The following NUBP1 variants were observed in gnomAD, a reference collection of about 807,000 sequenced individuals.
NUBP1 encodes NUBP iron-sulfur cluster assembly factor 1, cytosolic, also known as cytosolic Fe-S cluster assembly factor NUBP1.
In NUBP1, 46 loss-of-function variants were observed where a neutral mutation model predicts 41.8. The observed-to-expected ratio is 1.10, with a 90% confidence interval of 0.87 to 1.41. The LOEUF is 1.41. Among genes scored for constraint, NUBP1 ranks in the 40% most tolerant of loss-of-function variants. The pLI, the probability that NUBP1 is intolerant of heterozygous loss-of-function variation, is 0.00. For missense variants in NUBP1, 494 were observed against 414.0 expected, an observed-to-expected ratio of 1.19 and a Z score of -1.68; for synonymous variants, 189 against 154.6, an observed-to-expected ratio of 1.22 and a Z score of -1.65.
chr16:10,766,822 G>A lies in NUBP1; in HGVS notation c.821-1127G>A, dbSNP rs977436305. On this transcript the variant is annotated intron_variant, in intron 9 of 10. Transcript: ENST00000283027. This position sits in a 1 kb window ranked among gnomAD's most constrained non-coding sequence, Gnocchi z 4.8. ...TACTTGAGGTACGCCCTATATAAAC[G>A]AAAAGGATGAAGTAAAGTTACAAAG... 3 of 397,694 alleles carry A rather than the reference G, an allele frequency of 7.5e-6. No individual in the cohort carries two copies. The highest frequency in any genetic ancestry group is 6.2e-5 in the African/African-American group (3 of 48,732). The allele number at this position is 397,694 out of a possible 1,614,324, so 24.6% of individuals were successfully genotyped here. A position where few individuals can be genotyped will look rare whatever the true frequency, so the allele number is the denominator to read the frequency against.
chr16:10,761,303 G>A lies in NUBP1; in HGVS notation c.607-61G>A, dbSNP rs1330069669. On this transcript the variant is annotated intron_variant, in intron 7 of 10. Coordinates refer to ENST00000283027, the MANE Select transcript of NUBP1 (RefSeq NM_002484.4). ...CTGCATTGCAGCCATCCCCTCGGTT[G>A]CACAGACATTCCCTTTCTCGCACTT... 10 of 1,482,948 alleles carry A rather than the reference G, an allele frequency of 6.7e-6. 1 individual carries two copies. The African/African-American group carries it at 8.3e-5, about 12-fold the overall frequency. 91.9% of individuals were successfully genotyped at this position (1,482,948 alleles called of 1,614,324 possible).
rs1900205677 is a variant in NUBP1, at chr16:10,749,185, C to T, written c.258+1909C>T. On this transcript the variant is annotated intron_variant, in intron 3 of 10. Transcript: ENST00000283027. This position sits in a 1 kb window ranked among gnomAD's most constrained non-coding sequence, Gnocchi z 4.1. ...CACACACACACGTTGATTCGTCATT[C>T]TGTGAGTCAGCGATCTCTTGCCATT... Among the ~76,000 whole-genome samples, 1 of 149,374 alleles carries T rather than the reference C, an allele frequency of 6.7e-6. No individual in the cohort carries two copies. Among genetic ancestry groups the T allele is most frequent in the Admixed American group, 6.7e-5 (1 of 14,990 alleles).
chr16:10,751,127 C>G (rs1422494673), intron 3 of NUBP1, among the ~76,000 whole-genome samples: 1 of 152,172 alleles, frequency 6.6e-6, no homozygotes, highest in Non-Finnish European at 1.5e-5. Flanking sequence ...TGCGCTGGAT[C>G]TGCTTCTCAT....
At chr16:10,748,065 C>T (rs1160161617) in intron 3 of NUBP1, among the ~76,000 whole-genome samples, 1 of 152,156 alleles carries the variant, frequency 6.6e-6, no homozygotes. Context: ...ATCCTCCCAC[C>T]TCAGCCTCTC....
chr16:10,769,177 G>C lies in NUBP1; in HGVS notation c.*72G>C, dbSNP rs1046300600. On this transcript the variant is annotated 3_prime_UTR_variant, in exon 11 of 11. Coordinates refer to ENST00000283027, the MANE Select transcript of NUBP1 (RefSeq NM_002484.4). The stretch of plus-strand genomic sequence containing the variant: ...CTGGGCAGCACATCCAGCCAGACCC[G>C]ACCAGCTCCGGGATGGGGTGGGTCA... 3 of 1,426,000 alleles carry C rather than the reference G, an allele frequency of 2.1e-6. No homozygotes were observed. Among genetic ancestry groups the C allele is most frequent in the African/African-American group, 1.4e-5 (1 of 70,522 alleles). The allele number at this position is 1,426,000 out of a possible 1,614,324, so 88.3% of individuals were successfully genotyped here. A position where few individuals can be genotyped will look rare whatever the true frequency, so the allele number is the denominator to read the frequency against.
At chr16:10,764,419 G>C (rs1192267302) in intron 9 of NUBP1, among the ~76,000 whole-genome samples, 2 of 151,840 alleles carry the variant, frequency 1.3e-5, no homozygotes, top group African/African-American at 4.8e-5. Flanking sequence ...GTCTATTGGA[G>C]AATCTCAGTC....
intron 7 of NUBP1, among the ~76,000 whole-genome samples, chr16:10,758,346 G>C (rs561261883): frequency 2.0e-5 from 3 of 151,992 alleles, no homozygotes; most frequent in Non-Finnish European, 4.4e-5. Flanking sequence ...GGTGGCTCGC[G>C]CCTGTAGTTC....
At chr16:10,751,196 GA>G (rs893000289) in intron 3 of NUBP1, among the ~76,000 whole-genome samples, 6 of 152,140 alleles carry the variant, frequency 3.9e-5, no homozygotes, top group African/African-American at 1.2e-4. Context: ...CCTCTAAAGG[GA>G]ATTGATTAAA....
intron 9 of NUBP1, among the ~76,000 whole-genome samples, chr16:10,763,172 G>A (rs1486464869): frequency 6.6e-6 from 1 of 152,162 alleles, no homozygotes; most frequent in Non-Finnish European, 1.5e-5. Context: ...GGGTGCTGCG[G>A]CTAAGGGGCT....
At position 10,756,672 on chromosome 16, in the gene NUBP1, A is replaced by G. The variant is rs1900579829; in HGVS notation, c.361-18A>G. The G allele has an allele frequency of 9.1e-6, 14 of 1,534,832 alleles. No homozygotes were observed. Among genetic ancestry groups the G allele is most frequent in the Non-Finnish European group, 1.2e-5 (14 of 1,149,530 alleles). ...TTTGAGTAAAGCGTGTCTTGCCCTC[A>G]CCCTGTTCCCTCTGCAGTACGTGGA... On this transcript the variant is annotated intron_variant, in intron 5 of 10. Transcript: ENST00000283027.
chr16:10,756,607 G>A (rs1254029742), intron 5 of NUBP1, 83 bp from the exon 6 acceptor site: 3 of 1,000,864 alleles, frequency 3.0e-6, no homozygotes, highest in Admixed American at 3.1e-5. Flanking sequence ...TTCAGTCAGA[G>A]CTCAAACAGA....
At position 10,748,867 on chromosome 16, in the gene NUBP1, A is replaced by G. The variant is rs550008537; in HGVS notation, c.258+1591A>G. ...CACTTTGGGAGGCTGAGGCAGGCGG[A>G]TCACTTGAGGTCAGGAGTTTGAGAC... On this transcript the variant is annotated intron_variant, in intron 3 of 10. Transcript: ENST00000283027. 1.8e-4 allele frequency among the ~76,000 whole-genome samples: 28 copies of G among 152,154 alleles called. No individual in the cohort carries two copies. The East Asian group carries it at 4.4e-3, about 24-fold the overall frequency.
At position 10,769,130 on chromosome 16, in the gene NUBP1, C is replaced by T. The variant is rs920620743; in HGVS notation, c.*25C>T. 3 of 1,611,394 alleles carry T rather than the reference C, an allele frequency of 1.9e-6. No homozygotes were observed. The African/African-American group carries it at 4.0e-5, about 22-fold the overall frequency. On this transcript the variant is annotated 3_prime_UTR_variant, in exon 11 of 11. Coordinates refer to ENST00000283027, the MANE Select transcript of NUBP1 (RefSeq NM_002484.4). The stretch of plus-strand genomic sequence containing the variant: ...AAACGAGAGAATGTTCAGGACCAAG[C>T]AGTTACCGAGCGAGGCACTCACTGG...
rs535971792 is a variant in NUBP1 at position 10,757,480 on chromosome 16, G to C, written c.452-393G>C. 6.6e-6 allele frequency among the ~76,000 whole-genome samples: 1 copy of C among 151,138 alleles called. No homozygotes were observed. Among genetic ancestry groups the C allele is most frequent in the Non-Finnish European group, 1.5e-5 (1 of 67,718 alleles). ...TTTTGAGCCAGATAAGTCTTTGTTG[G>C]GGGGAGGAGTAGACCGTGTTCTACA... On this transcript the variant is annotated intron_variant, in intron 6 of 10. Coordinates refer to ENST00000283027, the MANE Select transcript of NUBP1 (RefSeq NM_002484.4). This position sits in a 1 kb window ranked among gnomAD's most constrained non-coding sequence, Gnocchi z 4.1.
Position 10,765,327 on chromosome 16 carries a change from TAAAAAAA to T in NUBP1, c.821-2606_821-2600del, listed in dbSNP as rs533208449. ...TAACACAGGAAGATACCTCATCTCT[TAAAAAAA>T]AAAAAAAAAAAAAAAGGAAAAAATT... is the stretch of plus-strand genomic sequence containing the variant. On this transcript the variant is annotated intron_variant, in intron 9 of 10. Transcript: ENST00000283027. This position sits in a 1 kb window ranked among gnomAD's most constrained non-coding sequence, Gnocchi z 4.0. Among the ~76,000 whole-genome samples, 38 of 111,270 alleles carry T rather than the reference TAAAAAAA, an allele frequency of 3.4e-4. No homozygotes were observed. Among genetic ancestry groups the T allele is most frequent in the Non-Finnish European group, 4.4e-4 (25 of 56,644 alleles). The allele number at this position is 111,270 out of a possible 152,430, so 73.0% of individuals were successfully genotyped here.
In NUBP1 at chr16:10,749,927, T is replaced by TAA. The variant is rs1218800730; in HGVS notation, c.258+2652_258+2653dup. ...GAAGGCAGAAGGAGCCTCTGTAGCA[T>TAA]AAGCCTGAGCCATGAGACAGCCAAG... is the stretch of plus-strand genomic sequence containing the variant. On this transcript the variant is annotated intron_variant, in intron 3 of 10. Coordinates refer to ENST00000283027, the MANE Select transcript of NUBP1 (RefSeq NM_002484.4). The surrounding 1 kb of genome is among the most constrained non-coding windows in gnomAD (Gnocchi z 4.1). Among the ~76,000 whole-genome samples the TAA allele has an allele frequency of 6.6e-6, 1 of 152,218 alleles. No homozygotes were observed. Among genetic ancestry groups the TAA allele is most frequent in the Non-Finnish European group, 1.5e-5 (1 of 68,028 alleles).
Position 10,768,674 on chromosome 16 carries a change from G to A in NUBP1, c.905-373G>A, listed in dbSNP as rs1596485211. 1 of 207,824 alleles carries A rather than the reference G, an allele frequency of 4.8e-6. No homozygotes were observed. Among genetic ancestry groups the A allele is most frequent in the African/African-American group, 2.3e-5 (1 of 43,338 alleles). 12.9% of individuals were successfully genotyped at this position (207,824 alleles called of 1,614,324 possible). On this transcript the variant is annotated intron_variant, in intron 10 of 10. Transcript: ENST00000283027. The surrounding 1 kb of genome is among the most constrained non-coding windows in gnomAD (Gnocchi z 4.3). ...CAAACCCACGTGCAGGCCACATTCAGCCAGTGGCAGCCATCAGAGGCCCCA... is the reference window on the plus strand; with the variant it reads ...CAAACCCACGTGCAGGCCACATTCAACCAGTGGCAGCCATCAGAGGCCCCA...
chr16:10,758,880 T>G (rs1900751366), intron 7 of NUBP1, among the ~76,000 whole-genome samples: 1 of 152,172 alleles, frequency 6.6e-6, no homozygotes, highest in South Asian at 2.1e-4. Context: ...AGGCCCATGG[T>G]GAGCCCGAGC....
chr16:10,750,190 T>G (rs962273061), intron 3 of NUBP1, among the ~76,000 whole-genome samples: 1 of 152,168 alleles, frequency 6.6e-6, no homozygotes, highest in African/African-American at 2.4e-5. Flanking sequence ...AGAGTGAGAC[T>G]CTACCTCAAA....
Sources: gnomAD v4.1 joint callset for allele counts (sites outside exome capture counted in the v4.1 genomes callset) on GRCh38, gnomAD v4.1.1 for gene constraint, Gnocchi (gnomAD v3.1) non-coding constraint, MANE v1.5 for transcripts, NCBI Gene and HGNC (gene_info 2026-07-23, HGNC 2026-07-21) for gene names.